Variants in SYN3 observed in about 807,000 individuals in gnomAD.
SYN3 encodes synapsin III.
A neutral mutation model predicts 65.8 loss-of-function variants in SYN3; 35 were observed. The ratio of observed to expected loss-of-function variants is 0.53; its 90% CI spans 0.41 to 0.70. SYN3 has a LOEUF of 0.70. SYN3 is among the 30% of genes least tolerant of loss of function. The pLI, the probability that SYN3 is intolerant of heterozygous loss-of-function variation, is 0.00. For synonymous variants in SYN3, 270 were observed against 292.9 expected, an observed-to-expected ratio of 0.92 and a Z score of 0.80; for missense variants, 680 against 749.0, an observed-to-expected ratio of 0.91 and a Z score of 1.08.
In SYN3 at chr22:33,004,440, G is replaced by A. The variant is rs1017863896; in HGVS notation, c.311+1912C>T. ...GCATTACCTGGATGTGAGACATGGAGTCAAAGGAGATTATTTCAGAGCTTT... is the reference window on the plus strand; with the variant it reads ...GCATTACCTGGATGTGAGACATGGAATCAAAGGAGATTATTTCAGAGCTTT... On this transcript the variant is annotated intron_variant, in intron 2 of 13. Coordinates refer to ENST00000358763, the MANE Select transcript of SYN3 (RefSeq NM_003490.4). Among the ~76,000 whole-genome samples, 7 of 152,358 alleles carry A rather than the reference G, an allele frequency of 4.6e-5. 1 individual carries two copies. Among genetic ancestry groups the A allele is most frequent in the East Asian group, 3.9e-4 (2 of 5,192 alleles).
intron 6 of SYN3, among the ~76,000 whole-genome samples, chr22:32,840,392 C>A (rs2047860296): frequency 6.6e-6 from 1 of 152,058 alleles, no homozygotes; most frequent in Non-Finnish European, 1.5e-5. Context: ...TTGAAACGGA[C>A]AAGAGAGAAG....
intron 6 of SYN3, among the ~76,000 whole-genome samples, chr22:32,843,624 G>C (rs1186912869): frequency 1.3e-5 from 2 of 152,070 alleles, no homozygotes; most frequent in African/African-American, 4.8e-5. Context: ...CTCCTTTTTG[G>C]TGTGTTTTCA....
chr22:32,781,535 G>A (rs1189696536), intron 6 of SYN3, among the ~76,000 whole-genome samples: 1 of 152,070 alleles, frequency 6.6e-6, no homozygotes, highest in African/African-American at 2.4e-5. Flanking sequence ...CCACAGGGCT[G>A]GGCTCAGGCT....
chr22:32,571,971 C>T (rs1377888550), intron 7 of SYN3, among the ~76,000 whole-genome samples: 1 of 151,894 alleles, frequency 6.6e-6, no homozygotes, highest in Non-Finnish European at 1.5e-5. Flanking sequence ...TAAGGTCTAG[C>T]CCAGAAGAGG....
At chr22:32,784,569 A>G (rs1386029937) in intron 6 of SYN3, among the ~76,000 whole-genome samples, 1 of 152,236 alleles carries the variant, frequency 6.6e-6, no homozygotes, top group Non-Finnish European at 1.5e-5. Context: ...CTTGCAGAGG[A>G]GCCAGCTAAG....
chr22:32,511,505 G>T lies in SYN3; in HGVS notation c.*2187C>A, dbSNP rs1299079336. On this transcript the variant is annotated 3_prime_UTR_variant, in exon 14 of 14. Transcript: ENST00000358763. ...CATTGCACAGGCTGAGCAAAAAGAA[G>T]GGAGATGTGTTACTGGGCAGAGTGA... Among the ~76,000 whole-genome samples the T allele has an allele frequency of 6.6e-6, 1 of 152,212 alleles. No homozygotes were observed. Among genetic ancestry groups the T allele is most frequent in the Non-Finnish European group, 1.5e-5 (1 of 68,038 alleles).
At chr22:32,814,947 G>A (rs952665306) in intron 6 of SYN3, among the ~76,000 whole-genome samples, 3 of 152,116 alleles carry the variant, frequency 2.0e-5, no homozygotes, top group African/African-American at 4.8e-5. Context: ...TATAAAATAT[G>A]ACCATTTCAA....
At chr22:33,056,885 G>A (rs1056604944) in intron 1 of SYN3, among the ~76,000 whole-genome samples, 3 of 152,194 alleles carry the variant, frequency 2.0e-5, no homozygotes, top group South Asian at 2.1e-4. Context: ...ACAGAAAGGG[G>A]AGCCCAGGCA....
At chr22:32,601,952 T>C (rs1340520538) in intron 6 of SYN3, among the ~76,000 whole-genome samples, 2 of 151,868 alleles carry the variant, frequency 1.3e-5, no homozygotes, top group African/African-American at 2.4e-5. Context: ...TTCTTTTTTT[T>C]TTTTTGTGAC....
At chr22:32,778,212 T>C (rs1478304029) in intron 6 of SYN3, among the ~76,000 whole-genome samples, 2 of 152,232 alleles carry the variant, frequency 1.3e-5, no homozygotes, top group Non-Finnish European at 2.9e-5. Flanking sequence ...TTCTCAGTTT[T>C]CATGCCCTCT....
intron 4 of SYN3, among the ~76,000 whole-genome samples, chr22:32,896,776 C>T (rs1056055328): frequency 3.3e-5 from 5 of 152,162 alleles, no homozygotes; most frequent in Admixed American, 2.0e-4. Context: ...TCACCTTGTT[C>T]GAAGATGTGT....
At chr22:32,569,281 A>G (rs555638950) in intron 7 of SYN3, among the ~76,000 whole-genome samples, 179 of 149,782 alleles carry the variant, frequency 1.2e-3, no homozygotes, top group Middle Eastern at 0.01. Flanking sequence ...CTATCTATCT[A>G]TCTATCTATC....
intron 3 of SYN3, among the ~76,000 whole-genome samples, chr22:32,957,957 C>T (rs1257775237): frequency 6.6e-6 from 1 of 152,150 alleles, no homozygotes; most frequent in Non-Finnish European, 1.5e-5. Context: ...AAAACGGGGA[C>T]TGCAAGGGAC....
chr22:32,753,170 A>G (rs572109876), intron 6 of SYN3, among the ~76,000 whole-genome samples: 148 of 152,248 alleles, frequency 9.7e-4, no homozygotes, highest in African/African-American at 3.4e-3. Context: ...CTTTCCCCCC[A>G]GAAAACCAAA....
At chr22:32,575,061 G>A (rs1373225345) in intron 7 of SYN3, among the ~76,000 whole-genome samples, 4 of 152,200 alleles carry the variant, frequency 2.6e-5, no homozygotes, top group African/African-American at 4.8e-5. Flanking sequence ...TGACCTAAGC[G>A]GGTGGTTTTC....
At chr22:32,739,289 G>C (rs2061373650) in intron 6 of SYN3, among the ~76,000 whole-genome samples, 1 of 151,712 alleles carries the variant, frequency 6.6e-6, no homozygotes, top group Non-Finnish European at 1.5e-5. Context: ...TCTCTTGTCT[G>C]CCACCATGTA....
chr22:32,971,556 T>C (rs1405502720), intron 3 of SYN3, among the ~76,000 whole-genome samples: 1 of 152,112 alleles, frequency 6.6e-6, no homozygotes, highest in Non-Finnish European at 1.5e-5. Flanking sequence ...GATCAAATTA[T>C]GGAGCACTTC....
intron 3 of SYN3, among the ~76,000 whole-genome samples, chr22:32,978,784 G>A (rs2052284887): frequency 6.6e-6 from 1 of 152,160 alleles, no homozygotes; most frequent in Non-Finnish European, 1.5e-5. Flanking sequence ...TCAGCAACAG[G>A]CATACTGTGT....
chr22:32,581,309 A>G (rs1023237068), intron 7 of SYN3, among the ~76,000 whole-genome samples: 1 of 152,148 alleles, frequency 6.6e-6, no homozygotes, highest in African/African-American at 2.4e-5. Context: ...GGGTTTCGCC[A>G]TGTTGGCCAG....
Sources: allele counts gnomAD v4.1 joint callset (sites outside exome capture counted in the v4.1 genomes callset), GRCh38; gene constraint gnomAD v4.1.1; transcripts MANE v1.5; gene names NCBI Gene and HGNC (gene_info 2026-07-23, HGNC 2026-07-21).